Variants in NR3C2 observed in about 807,000 individuals in gnomAD.
NR3C2 encodes the protein mineralocorticoid receptor.
NR3C2 carries 15 observed loss-of-function variants against 86.4 expected under a neutral mutation model. The observed-to-expected ratio is 0.17, with a 90% CI of 0.12 to 0.27. The LOEUF is 0.27. Ranked by LOEUF, NR3C2 falls within the 10% of genes least tolerant of loss-of-function variation. The probability of loss-of-function intolerance (pLI) is 1.00; values close to 1 mark genes in which losing one functional copy is unlikely to be tolerated. For missense variants in NR3C2, 960 were observed against 1,195.6 expected (o/e 0.80, Z 2.91); for synonymous variants, 458 against 450.5 (o/e 1.02, Z -0.21).
chr4:148,343,146 C>T (rs969048956), intron 2 of NR3C2, among the ~76,000 whole-genome samples: 1 of 152,134 alleles, frequency 6.6e-6, no homozygotes, highest in African/African-American at 2.4e-5. Flanking sequence ...GCAGCCCAAA[C>T]TCTGAAAACT....
intron 2 of NR3C2, among the ~76,000 whole-genome samples, chr4:148,316,108 A>T (rs1743158267): frequency 6.6e-6 from 1 of 152,204 alleles, no homozygotes; most frequent in South Asian, 2.1e-4. Context: ...TTCAATTAAT[A>T]CAATTTTTTT....
At chr4:148,268,343 C>T (rs1238511241) in intron 2 of NR3C2, among the ~76,000 whole-genome samples, 1 of 152,052 alleles carries the variant, frequency 6.6e-6, no homozygotes, top group East Asian at 1.9e-4. Context: ...ATGATATTAT[C>T]TTTGCTGACA....
chr4:148,368,878 A>C (rs1360004443), intron 2 of NR3C2, among the ~76,000 whole-genome samples: 1 of 152,212 alleles, frequency 6.6e-6, no homozygotes, highest in Non-Finnish European at 1.5e-5. Context: ...AGCCATGTAG[A>C]GACAGAACTT....
intron 8 of NR3C2, among the ~76,000 whole-genome samples, chr4:148,097,101 A>G (rs755609117): frequency 7.2e-5 from 11 of 152,204 alleles, no homozygotes; most frequent in Non-Finnish European, 1.0e-4. Flanking sequence ...CTCTTACCAT[A>G]CAGATTCTTC....
At chr4:148,301,808 C>T (rs570282812) in intron 2 of NR3C2, among the ~76,000 whole-genome samples, 5 of 152,268 alleles carry the variant, frequency 3.3e-5, no homozygotes, top group Admixed American at 6.5e-5. Context: ...TTGGATGCTA[C>T]GGAGGACCCC....
intron 8 of NR3C2, among the ~76,000 whole-genome samples, chr4:148,109,875 T>C (rs1731974394): frequency 6.6e-6 from 1 of 152,232 alleles, no homozygotes. Flanking sequence ...ATATCATCTT[T>C]GTTACTTACT....
At chr4:148,317,977 A>T (rs1743300072) in intron 2 of NR3C2, among the ~76,000 whole-genome samples, 1 of 148,312 alleles carries the variant, frequency 6.7e-6, no homozygotes, top group Non-Finnish European at 1.5e-5. Flanking sequence ...TGCACCCACT[A>T]ACTCGTCATC....
At chr4:148,355,049 T>G (rs1194293044) in intron 2 of NR3C2, among the ~76,000 whole-genome samples, 1 of 152,230 alleles carries the variant, frequency 6.6e-6, no homozygotes, top group Non-Finnish European at 1.5e-5. Flanking sequence ...ACAGTTTTAA[T>G]GGAATTGAAC....
chr4:148,251,615 T>A (rs1405457008), intron 3 of NR3C2, among the ~76,000 whole-genome samples: 2 of 152,208 alleles, frequency 1.3e-5, no homozygotes, highest in African/African-American at 4.8e-5. Flanking sequence ...ATAGGCTACA[T>A]CTAATTTTTA....
chr4:148,393,830 A>G lies in NR3C2; in HGVS notation c.1757+41274T>C, dbSNP rs1579245613. Among the ~76,000 whole-genome samples, 4 of 152,264 alleles carry G rather than the reference A, an allele frequency of 2.6e-5. No individual in the cohort carries two copies. The South Asian group carries it at 6.2e-4, about 24-fold the overall frequency. ...TTCTTGACTGGAATACTCTGAAGGT[A>G]TGGAATGGTGGGGTGGTAGTTTTAA... is the stretch of plus-strand genomic sequence containing the variant. On this transcript the variant is annotated intron_variant, in intron 2 of 8. Transcript: ENST00000358102.
intron 4 of NR3C2, among the ~76,000 whole-genome samples, chr4:148,164,449 T>C (rs888765631): frequency 2.0e-5 from 3 of 152,198 alleles, no homozygotes; most frequent in East Asian, 1.9e-4. Flanking sequence ...CTTTAGAAAA[T>C]AGAGTATCTG....
intron 2 of NR3C2, among the ~76,000 whole-genome samples, chr4:148,411,558 T>C (rs1411345822): frequency 6.6e-6 from 1 of 152,166 alleles, no homozygotes; most frequent in Non-Finnish European, 1.5e-5. Context: ...TTCTATGTGG[T>C]TTTAGATTTT....
At chr4:148,285,594 C>G (rs984643143) in intron 2 of NR3C2, among the ~76,000 whole-genome samples, 1 of 152,092 alleles carries the variant, frequency 6.6e-6, no homozygotes, top group Non-Finnish European at 1.5e-5. Flanking sequence ...GTAGTCCCAG[C>G]TACTCAGGAG....
chr4:148,294,822 AT>A (rs1242373523), intron 2 of NR3C2, among the ~76,000 whole-genome samples: 2 of 151,900 alleles, frequency 1.3e-5, no homozygotes, highest in Non-Finnish European at 2.9e-5. Flanking sequence ...ACAAAAAAAA[AT>A]AAAAAAAATA....
At chr4:148,149,003 T>G (rs1339469047) in intron 6 of NR3C2, among the ~76,000 whole-genome samples, 2 of 152,238 alleles carry the variant, frequency 1.3e-5, no homozygotes, top group Non-Finnish European at 2.9e-5. Context: ...TCTATCATGG[T>G]ACCCAGTGAT....
At chr4:148,419,177 T>C (rs1749152721) in intron 2 of NR3C2, among the ~76,000 whole-genome samples, 1 of 136,220 alleles carries the variant, frequency 7.3e-6, no homozygotes, top group East Asian at 2.0e-4. Context: ...ATGCATAACA[T>C]AGCATCACTG....
At chr4:148,093,053 A>G (rs745019) in intron 8 of NR3C2, among the ~76,000 whole-genome samples, 35,169 of 152,172 alleles carry the variant, frequency 0.23, 4,949 homozygotes, top group African/African-American at 0.39. Flanking sequence ...AGGAAGATTT[A>G]TGCATTGACT....
chr4:148,100,794 A>C (rs2149716572), intron 8 of NR3C2, among the ~76,000 whole-genome samples: 1 of 152,400 alleles, frequency 6.6e-6, no homozygotes, highest in Middle Eastern at 3.4e-3. Flanking sequence ...TATTCACAAT[A>C]GGCAAAAGGT....
chr4:148,178,639 G>C (rs572387953), intron 4 of NR3C2, among the ~76,000 whole-genome samples: 1 of 151,420 alleles, frequency 6.6e-6, no homozygotes, highest in African/African-American at 2.4e-5. Flanking sequence ...TTCTACCAAA[G>C]GGCCCTGTGA....
Sources: gnomAD v4.1 joint callset for allele counts (sites outside exome capture counted in the v4.1 genomes callset) on GRCh38, gnomAD v4.1.1 for gene constraint, MANE v1.5 for transcripts, NCBI Gene and HGNC (gene_info 2026-07-23, HGNC 2026-07-21) for gene names.